The following MYO5B variants were observed in gnomAD, a reference collection of about 807,000 sequenced individuals.
The protein encoded by MYO5B is unconventional myosin-Vb.
MYO5B carries 143 observed loss-of-function variants against 229.3 expected under a neutral mutation model. That is an observed-to-expected ratio of 0.62 (90% CI 0.54 to 0.72). MYO5B has a LOEUF of 0.72. MYO5B is among the 30% of genes least tolerant of loss of function. The pLI, the probability that MYO5B is intolerant of heterozygous loss-of-function variation, is 0.00. For synonymous variants in MYO5B, 918 were observed against 885.2 expected (o/e 1.04, Z -0.66); for missense variants, 2,321 against 2,331.0 (o/e 1.00, Z 0.09).
chr18:50,064,843 G>A (rs751048965), intron 1 of MYO5B, among the ~76,000 whole-genome samples: 12 of 152,156 alleles, frequency 7.9e-5, no homozygotes, highest in Non-Finnish European at 1.8e-4. Context: ...AACAACCAAA[G>A]CAAGCACTGA....
intron 1 of MYO5B, among the ~76,000 whole-genome samples, chr18:50,173,122 G>A (rs2032942837): frequency 6.6e-6 from 1 of 152,114 alleles, no homozygotes; most frequent in Admixed American, 6.5e-5. Context: ...AAAATTAGCT[G>A]GGCATGGTGG....
intron 15 of MYO5B, among the ~76,000 whole-genome samples, 175 bp downstream of exon 15, chr18:49,937,070 G>T (rs1011097292): frequency 4.6e-5 from 7 of 152,160 alleles, no homozygotes; most frequent in African/African-American, 1.7e-4. Flanking sequence ...GTTCCTTGTG[G>T]TGAAGGTATT....
At chr18:50,006,511 A>G (rs975122664) in intron 4 of MYO5B, among the ~76,000 whole-genome samples, 10 of 152,182 alleles carry the variant, frequency 6.6e-5, no homozygotes, top group African/African-American at 2.2e-4. Context: ...GAGGTAAGGA[A>G]CTTAGCCATT....
chr18:50,135,658 A>G (rs1428968765), intron 1 of MYO5B, among the ~76,000 whole-genome samples: 1 of 152,216 alleles, frequency 6.6e-6, no homozygotes, highest in Non-Finnish European at 1.5e-5. Context: ...TTTTTGGTGT[A>G]TTACTTAAAT....
chr18:50,160,752 T>G (rs2032752906), intron 1 of MYO5B, among the ~76,000 whole-genome samples: 1 of 151,916 alleles, frequency 6.6e-6, no homozygotes, highest in Non-Finnish European at 1.5e-5. Flanking sequence ...GCTGTGAGAG[T>G]AGACACAATC....
At chr18:49,905,883 G>A (rs1433672590) in intron 19 of MYO5B, among the ~76,000 whole-genome samples, 1 of 152,142 alleles carries the variant, frequency 6.6e-6, no homozygotes, top group Admixed American at 6.5e-5. Flanking sequence ...AGGCAGGGGA[G>A]GCTGATTGGC....
intron 10 of MYO5B, among the ~76,000 whole-genome samples, chr18:49,964,828 T>C (rs2025603906): frequency 6.6e-6 from 1 of 152,200 alleles, no homozygotes; most frequent in Admixed American, 6.5e-5. Flanking sequence ...GTGTGCAATA[T>C]GGCCCAATCT....
chr18:50,045,887 T>C (rs2030210852), intron 2 of MYO5B, among the ~76,000 whole-genome samples: 1 of 152,176 alleles, frequency 6.6e-6, no homozygotes, highest in African/African-American at 2.4e-5. Flanking sequence ...TCAAAAAATA[T>C]TAGTTGAGTG....
At chr18:50,093,631 G>T (rs1028082180) in intron 1 of MYO5B, among the ~76,000 whole-genome samples, 4 of 152,102 alleles carry the variant, frequency 2.6e-5, no homozygotes, top group Non-Finnish European at 4.4e-5. Context: ...ACCAGATACA[G>T]GTCACAAAGA....
At chr18:49,957,061 A>G (rs116418897) in intron 12 of MYO5B, among the ~76,000 whole-genome samples, 342 of 144,814 alleles carry the variant, frequency 2.4e-3, no homozygotes, top group African/African-American at 8.2e-3. Flanking sequence ...GGTGAATTGT[A>G]TGGTATGTCA....
intron 1 of MYO5B, among the ~76,000 whole-genome samples, chr18:50,058,023 G>GA (rs2030594235): frequency 6.6e-6 from 1 of 152,022 alleles, no homozygotes; most frequent in Non-Finnish European, 1.5e-5. Flanking sequence ...AAGAATGGTT[G>GA]AAAAAAGCTC....
At chr18:50,033,535 G>A (rs2026413522) in intron 4 of MYO5B, among the ~76,000 whole-genome samples, 2 of 152,144 alleles carry the variant, frequency 1.3e-5, no homozygotes, top group Admixed American at 1.3e-4. Context: ...CCAGTATTGA[G>A]CCTATCAAAT....
At chr18:49,888,897 G>C (rs916993257) in intron 22 of MYO5B, among the ~76,000 whole-genome samples, 6 of 152,224 alleles carry the variant, frequency 3.9e-5, no homozygotes, top group Admixed American at 3.9e-4. Flanking sequence ...GTCCTGCTCT[G>C]ACAGGGCCTG....
intron 29 of MYO5B, among the ~76,000 whole-genome samples, chr18:49,862,158 C>T (rs1420291065): frequency 2.0e-5 from 3 of 151,946 alleles, no homozygotes; most frequent in Admixed American, 6.6e-5. Flanking sequence ...CCACTACGCC[C>T]GGCTAATTTT....
At chr18:49,916,693 G>T (rs928615022) in intron 17 of MYO5B, among the ~76,000 whole-genome samples, 20 of 152,104 alleles carry the variant, frequency 1.3e-4, no homozygotes, top group Non-Finnish European at 2.8e-4. Flanking sequence ...CTTCGTGGCC[G>T]TGAGGGTGGG....
At chr18:50,148,928 G>A (rs945093152) in intron 1 of MYO5B, among the ~76,000 whole-genome samples, 2 of 152,194 alleles carry the variant, frequency 1.3e-5, no homozygotes, top group African/African-American at 2.4e-5. Flanking sequence ...TGTATATCTA[G>A]AAAACCCCAC....
intron 1 of MYO5B, among the ~76,000 whole-genome samples, chr18:50,130,242 G>T (rs542582828): frequency 2.0e-5 from 3 of 152,290 alleles, no homozygotes; most frequent in East Asian, 1.9e-4. Flanking sequence ...TAAGCCTCTT[G>T]TGATTTTTTC....
chr18:50,162,373 G>A (rs1021388484), intron 1 of MYO5B, among the ~76,000 whole-genome samples: 8 of 150,528 alleles, frequency 5.3e-5, no homozygotes, highest in East Asian at 2.0e-4. Context: ...GAATCCCGGC[G>A]CCCAGTTTTT....
chr18:49,877,940 C>T, intron 24 of MYO5B, 58 bp from the exon 25 acceptor site: 1 of 1,606,970 alleles, frequency 6.2e-7, no homozygotes, highest in Non-Finnish European at 8.5e-7. Flanking sequence ...GAGAATTTAC[C>T]TCCCATGGTG....
Sources: allele counts gnomAD v4.1 joint callset (sites outside exome capture counted in the v4.1 genomes callset), GRCh38; gene constraint gnomAD v4.1.1; transcripts MANE v1.5; gene names NCBI Gene and HGNC (gene_info 2026-07-23, HGNC 2026-07-21).